Variants in PRMT3 observed in about 807,000 individuals in gnomAD.
PRMT3 encodes protein arginine methyltransferase 3.
PRMT3 carries 62 observed loss-of-function variants against 71.9 expected under a neutral mutation model. The observed-to-expected ratio is 0.86, with a 90% CI of 0.70 to 1.07. The LOEUF is 1.07. PRMT3 is among the 50% of genes least tolerant of loss of function. The pLI is 0.00. For missense variants in PRMT3, 663 were observed against 643.0 expected, an observed-to-expected ratio of 1.03 and a Z score of -0.34; for synonymous variants, 213 against 220.4, an observed-to-expected ratio of 0.97 and a Z score of 0.30.
In PRMT3 at chr11:20,433,301, T is replaced by C. The variant is rs138055824; in HGVS notation, c.993+6436T>C. Reference sequence around the variant, plus strand: ...GCTCCCACTTATAAGTGAGAACATGTGGTATTTGGTTTTCTGTTGCTGTAT... The same window carrying C: ...GCTCCCACTTATAAGTGAGAACATGCGGTATTTGGTTTTCTGTTGCTGTAT... On this transcript the variant is annotated intron_variant, in intron 10 of 15. Coordinates refer to ENST00000331079, the MANE Select transcript of PRMT3 (RefSeq NM_005788.4). Among the ~76,000 whole-genome samples the C allele has an allele frequency of 5.0e-3, 759 of 152,198 alleles. 3 individuals are homozygous for C. The highest frequency in any genetic ancestry group is 0.017 in the African/African-American group (716 of 41,536).
chr11:20,405,673 G>A (rs1377492295), intron 8 of PRMT3: 1 of 152,080 alleles, frequency 6.6e-6, no homozygotes, highest in Non-Finnish European at 1.5e-5. Flanking sequence ...TGTATGGATA[G>A]TCTTACAAAA....
At chr11:20,446,124 G>A (rs1197532761) in intron 10 of PRMT3, among the ~76,000 whole-genome samples, 1 of 152,026 alleles carries the variant, frequency 6.6e-6, no homozygotes, top group Non-Finnish European at 1.5e-5. Context: ...CACAGGGTGT[G>A]CTGCTCTTAC....
intron 13 of PRMT3, among the ~76,000 whole-genome samples, chr11:20,469,372 CTG>C (rs1850589697): frequency 6.6e-6 from 1 of 152,164 alleles, no homozygotes; most frequent in Non-Finnish European, 1.5e-5. Flanking sequence ...ATATTTTCAT[CTG>C]TGTGTCTATA....
intron 3 of PRMT3, among the ~76,000 whole-genome samples, chr11:20,390,904 G>T (rs547824768): frequency 6.6e-6 from 1 of 152,242 alleles, no homozygotes; most frequent in South Asian, 2.1e-4. Context: ...CAAAAAATTA[G>T]TCGGGCATGG....
chr11:20,402,338 C>T (rs111845033), intron 7 of PRMT3, among the ~76,000 whole-genome samples: 2 of 152,014 alleles, frequency 1.3e-5, no homozygotes, highest in African/African-American at 2.4e-5. Flanking sequence ...AGGCTGGTCT[C>T]GAACTCCTGA....
intron 9 of PRMT3, among the ~76,000 whole-genome samples, chr11:20,414,466 A>T (rs1444304697): frequency 6.6e-6 from 1 of 152,190 alleles, no homozygotes; most frequent in African/African-American, 2.4e-5. Context: ...TTGCTATCAT[A>T]CTTTGAACTC....
At chr11:20,498,105 A>G (rs1011295667) in intron 15 of PRMT3, among the ~76,000 whole-genome samples, 4 of 152,254 alleles carry the variant, frequency 2.6e-5, no homozygotes, top group Non-Finnish European at 4.4e-5. Context: ...AATACATAGC[A>G]ATAAAATGTA....
chr11:20,461,196 T>G (rs1850375540), intron 11 of PRMT3, among the ~76,000 whole-genome samples: 1 of 152,172 alleles, frequency 6.6e-6, no homozygotes, highest in Non-Finnish European at 1.5e-5. Context: ...TTGTGACCCT[T>G]TATGCACACT....
intron 13 of PRMT3, among the ~76,000 whole-genome samples, chr11:20,487,358 C>T (rs1275714270): frequency 6.6e-6 from 1 of 152,112 alleles, no homozygotes; most frequent in African/African-American, 2.4e-5. Context: ...TATATAGTCA[C>T]ATATACCTTA....
intron 3 of PRMT3, among the ~76,000 whole-genome samples, chr11:20,390,775 T>A (rs1032782406): frequency 6.6e-6 from 1 of 152,114 alleles, no homozygotes; most frequent in Non-Finnish European, 1.5e-5. Flanking sequence ...GTCAAGAGAT[T>A]GAGACCATCC....
intron 10 of PRMT3, among the ~76,000 whole-genome samples, chr11:20,431,924 G>T (rs577123512): frequency 5.3e-4 from 80 of 152,090 alleles, no homozygotes; most frequent in African/African-American, 1.9e-3. Flanking sequence ...TATTAACAGG[G>T]AGATATTTAT....
At chr11:20,408,451 TAAC>T (rs1452960021) in intron 9 of PRMT3, among the ~76,000 whole-genome samples, 1 of 152,150 alleles carries the variant, frequency 6.6e-6, no homozygotes, top group African/African-American at 2.4e-5. Context: ...TTTCCTTTTG[TAAC>T]AACACTAGTC....
intron 13 of PRMT3, among the ~76,000 whole-genome samples, chr11:20,485,014 T>G (rs879428178): frequency 6.6e-6 from 1 of 152,188 alleles, no homozygotes; most frequent in African/African-American, 2.4e-5. Flanking sequence ...CCTTTTGATA[T>G]TGCTCACGTG....
intron 10 of PRMT3, among the ~76,000 whole-genome samples, chr11:20,432,618 GT>G (rs1849678187): frequency 6.6e-6 from 1 of 151,984 alleles, no homozygotes; most frequent in Non-Finnish European, 1.5e-5. Context: ...TCTATTTTTA[GT>G]TTTTTGGGGA....
At chr11:20,478,124 C>A (rs972369036) in intron 13 of PRMT3, among the ~76,000 whole-genome samples, 1 of 152,110 alleles carries the variant, frequency 6.6e-6, no homozygotes, top group African/African-American at 2.4e-5. Flanking sequence ...GTTATTTAGA[C>A]CTATTTGCAA....
intron 10 of PRMT3, among the ~76,000 whole-genome samples, chr11:20,442,175 A>G (rs1849922572): frequency 6.6e-6 from 1 of 152,174 alleles, no homozygotes; most frequent in Non-Finnish European, 1.5e-5. Flanking sequence ...ATTTTCTTAT[A>G]GAATGTATCT....
In PRMT3 at chr11:20,509,312, T is replaced by G. The variant is rs1851671803; in HGVS notation, c.*899T>G. ...TAAAAATATTGATATTATAAAAGTTTTCAATAAAATATATCAAACAACATT... is the reference window on the plus strand; with the variant it reads ...TAAAAATATTGATATTATAAAAGTTGTCAATAAAATATATCAAACAACATT... On this transcript the variant is annotated 3_prime_UTR_variant, in exon 16 of 16. Coordinates refer to ENST00000331079, the MANE Select transcript of PRMT3 (RefSeq NM_005788.4). 1 of 152,098 alleles carries G rather than the reference T, an allele frequency of 6.6e-6. No individual in the cohort carries two copies. Among genetic ancestry groups the G allele is most frequent in the South Asian group, 2.1e-4 (1 of 4,822 alleles). 9.4% of individuals were successfully genotyped at this position (152,098 alleles called of 1,614,324 possible).
chr11:20,415,794 G>A (rs1849292224), intron 9 of PRMT3, among the ~76,000 whole-genome samples: 2 of 152,088 alleles, frequency 1.3e-5, no homozygotes, highest in South Asian at 4.1e-4. Flanking sequence ...ACTGCTTCAG[G>A]TAAAATAGAG....
intron 15 of PRMT3, among the ~76,000 whole-genome samples, chr11:20,506,933 T>G (rs1851604496): frequency 6.6e-6 from 1 of 152,208 alleles, no homozygotes; most frequent in East Asian, 1.9e-4. Flanking sequence ...AAATCAGCCT[T>G]TGCACAGGTA....
Sources: gnomAD v4.1 joint callset for allele counts (sites outside exome capture counted in the v4.1 genomes callset) on GRCh38, gnomAD v4.1.1 for gene constraint, MANE v1.5 for transcripts, NCBI Gene and HGNC (gene_info 2026-07-23, HGNC 2026-07-21) for gene names.